Variants in TENM4 observed in about 807,000 individuals in gnomAD.
TENM4 encodes teneurin transmembrane protein 4.
TENM4 carries 82 observed loss-of-function variants against 243.3 expected under a neutral mutation model. The ratio of observed to expected loss-of-function variants is 0.34; its 90% confidence interval spans 0.28 to 0.40. The LOEUF is 0.40. TENM4 is among the 10% of genes least tolerant of loss of function. TENM4 has a pLI of 1.00. For missense variants in TENM4, 3,138 were observed against 3,673.3 expected, an observed-to-expected ratio of 0.85 and a Z score of 3.77; for synonymous variants, 1,412 against 1,456.3, an observed-to-expected ratio of 0.97 and a Z score of 0.69.
At chr11:78,765,069 A>C (rs905533496) in intron 18 of TENM4, among the ~76,000 whole-genome samples, 1 of 152,168 alleles carries the variant, frequency 6.6e-6, no homozygotes, top group Non-Finnish European at 1.5e-5. Context: ...TTGCAGGCTT[A>C]ACTCTTCCTT....
intron 22 of TENM4, 107 bp downstream of exon 22, chr11:78,729,269 A>G (rs1423644138): frequency 8.1e-7 from 1 of 1,231,104 alleles, no homozygotes; most frequent in African/African-American, 1.5e-5. Flanking sequence ...ATTAAGCCTT[A>G]GGTATTTTTG....
At chr11:78,765,320 CTT>C (rs918745163) in intron 18 of TENM4, among the ~76,000 whole-genome samples, 1 of 152,178 alleles carries the variant, frequency 6.6e-6, no homozygotes, top group Non-Finnish European at 1.5e-5. Context: ...CAATTTCTCT[CTT>C]GTCTCTTATC....
At chr11:79,418,619 C>T (rs1590952523) in intron 1 of TENM4, among the ~76,000 whole-genome samples, 1 of 152,190 alleles carries the variant, frequency 6.6e-6, no homozygotes, top group Non-Finnish European at 1.5e-5. Flanking sequence ...TATGCTATTC[C>T]CTGCAACTGG....
intron 6 of TENM4, among the ~76,000 whole-genome samples, chr11:78,929,142 C>T (rs191003997): frequency 1.3e-5 from 2 of 152,328 alleles, no homozygotes; most frequent in East Asian, 3.9e-4. Context: ...CCTTTGGCCC[C>T]ATTTGCCTAT....
chr11:78,911,699 G>A (rs144075218), intron 6 of TENM4, among the ~76,000 whole-genome samples: 8 of 152,304 alleles, frequency 5.3e-5, no homozygotes, highest in East Asian at 3.9e-4. Flanking sequence ...CTGGTCTGAC[G>A]CACTCTTGCC....
At chr11:79,326,338 C>T (rs141398545) in intron 1 of TENM4, among the ~76,000 whole-genome samples, 1 of 152,250 alleles carries the variant, frequency 6.6e-6, no homozygotes, top group East Asian at 1.9e-4. Flanking sequence ...ATGACCTTTC[C>T]TACATTGAAC....
At chr11:79,412,764 T>C (rs1858729162) in intron 1 of TENM4, among the ~76,000 whole-genome samples, 1 of 152,260 alleles carries the variant, frequency 6.6e-6, no homozygotes, top group African/African-American at 2.4e-5. Context: ...CATGTTTTCG[T>C]GCATGCATCC....
chr11:78,962,024 C>T (rs148073503), intron 6 of TENM4: 1 of 152,462 alleles, frequency 6.6e-6, no homozygotes, highest in African/African-American at 2.4e-5. Context: ...GCCCCCAGCT[C>T]CCCCGGATCC....
At chr11:78,778,567 A>C (rs774838205) in intron 17 of TENM4, 35 bp downstream of exon 17, 3 of 1,605,378 alleles carry the variant, frequency 1.9e-6, no homozygotes, top group Non-Finnish European at 2.6e-6. Context: ...CACACACACA[A>C]AGACAACAGG....
intron 1 of TENM4, among the ~76,000 whole-genome samples, chr11:79,320,255 G>T (rs994073): frequency 0.013 from 1,953 of 152,270 alleles, 46 homozygotes; most frequent in African/African-American, 0.045. Flanking sequence ...CATGTTAGTT[G>T]CTTTTTCATC....
At chr11:79,382,746 C>T (rs1858030480) in intron 1 of TENM4, among the ~76,000 whole-genome samples, 1 of 152,086 alleles carries the variant, frequency 6.6e-6, no homozygotes, top group Admixed American at 6.5e-5. Flanking sequence ...GGAGCCTCTT[C>T]TTCAAAGGCT....
chr11:79,216,562 T>C (rs957940417), intron 2 of TENM4, among the ~76,000 whole-genome samples: 1 of 152,234 alleles, frequency 6.6e-6, no homozygotes, highest in Admixed American at 6.5e-5. Flanking sequence ...TGGAGGTGCC[T>C]GGATTGTGAT....
intron 17 of TENM4, among the ~76,000 whole-genome samples, chr11:78,777,741 C>G (rs1363067542): frequency 6.6e-6 from 1 of 152,074 alleles, no homozygotes; most frequent in African/African-American, 2.4e-5. Flanking sequence ...AATATGTGTC[C>G]CTATCTGCAG....
chr11:78,936,591 C>T (rs1159003322), intron 6 of TENM4, among the ~76,000 whole-genome samples: 1 of 152,188 alleles, frequency 6.6e-6, no homozygotes, highest in Non-Finnish European at 1.5e-5. Context: ...GTGCCTAGCA[C>T]TTTTCTGCAC....
At chr11:79,157,547 T>C (rs143664301) in intron 3 of TENM4, among the ~76,000 whole-genome samples, 1 of 152,294 alleles carries the variant, frequency 6.6e-6, no homozygotes, top group African/African-American at 2.4e-5. Context: ...TGTAACTCAG[T>C]ACTCTCCTAG....
intron 1 of TENM4, among the ~76,000 whole-genome samples, chr11:79,392,174 G>C (rs1300314400): frequency 6.6e-6 from 1 of 152,208 alleles, no homozygotes; most frequent in African/African-American, 2.4e-5. Flanking sequence ...AGATGGAGCT[G>C]GGTCTCAGAG....
At chr11:79,036,687 C>T (rs1046772473) in intron 6 of TENM4, among the ~76,000 whole-genome samples, 1 of 152,212 alleles carries the variant, frequency 6.6e-6, no homozygotes, top group Non-Finnish European at 1.5e-5. Flanking sequence ...TAGGTGGAGC[C>T]TGAGAAGTGG....
intron 6 of TENM4, among the ~76,000 whole-genome samples, chr11:78,939,099 G>A (rs1482001055): frequency 6.6e-6 from 1 of 152,152 alleles, no homozygotes; most frequent in Non-Finnish European, 1.5e-5. Context: ...AAGCAGATAA[G>A]GGTAATGGAA....
chr11:79,100,229 T>C (rs145312588), intron 4 of TENM4, among the ~76,000 whole-genome samples: 80 of 152,280 alleles, frequency 5.3e-4, no homozygotes, highest in African/African-American at 1.8e-3. Context: ...TTCGCACTTT[T>C]CTCAACTTAA....
Sources: gnomAD v4.1 joint callset for allele counts (sites outside exome capture counted in the v4.1 genomes callset) on GRCh38, gnomAD v4.1.1 for gene constraint, MANE v1.5 for transcripts, NCBI Gene and HGNC (gene_info 2026-07-23, HGNC 2026-07-21) for gene names.